Variants in CFB observed in about 807,000 individuals in gnomAD.
CFB encodes the protein complement factor B, also known as B-factor, properdin.
A neutral mutation model predicts 97.2 loss-of-function variants in CFB; 59 were observed. That is an observed-to-expected ratio of 0.61 (90% CI 0.49 to 0.75). The LOEUF is 0.75. CFB is among the 30% of genes least tolerant of loss of function. The probability of loss-of-function intolerance (pLI) is 0.00; values close to 1 mark genes in which losing one functional copy is unlikely to be tolerated. For missense variants in CFB, 771 were observed against 959.8 expected (o/e 0.80, Z 2.60); for synonymous variants, 316 against 351.7 (o/e 0.90, Z 1.14).
rs190228111 is a variant in CFB, at chr6:31,947,226, T to G, written c.484+34T>G. 12,962 of 1,611,718 alleles carry G rather than the reference T, an allele frequency of 8.0e-3. 166 individuals carry two copies. The highest frequency in any genetic ancestry group is 0.023 in the South Asian group (2,073 of 91,080). ...CATCCCCTCCCCCTACATTGCTGTC[T>G]CCCTGACGGCGCCCAGCCCGAGGAG... is the stretch of plus-strand genomic sequence containing the variant. On this transcript the variant is annotated intron_variant, in intron 3 of 17. Transcript: ENST00000425368. This position sits in a 1 kb window ranked among gnomAD's most constrained non-coding sequence, Gnocchi z 5.3.
In CFB at chr6:31,951,747, C is replaced by G; in HGVS notation, c.2140-128C>G. 6.3e-7 allele frequency: 1 copy of G among 1,575,450 alleles called. No homozygotes were observed. Among genetic ancestry groups the G allele is most frequent in the Non-Finnish European group, 8.7e-7 (1 of 1,145,878 alleles). On this transcript the variant is annotated intron_variant, in intron 17 of 17. Coordinates refer to ENST00000425368, the MANE Select transcript of CFB (RefSeq NM_001710.6). The surrounding 1 kb of genome is among the most constrained non-coding windows in gnomAD (Gnocchi z 4.3). The stretch of plus-strand genomic sequence containing the variant: ...GACCGCATGTCTTGCCTGCGTGTGT[C>G]AAGAACGAGGCTGAGCTGGGTCCCT...
At position 31,951,997 on chromosome 6, in the gene CFB, G is replaced by C. The variant is rs1462065300; in HGVS notation, c.2262G>C (p.Glu754Asp). The C allele has an allele frequency of 3.7e-6, 6 of 1,612,952 alleles. No individual in the cohort carries two copies. Among genetic ancestry groups the C allele is most frequent in the Non-Finnish European group, 5.1e-6 (6 of 1,180,046 alleles). Residue 754 changes from glutamate (E) to aspartate (D), a missense_variant, in exon 18 of 18, where the codon GAG becomes GAC. Transcript: ENST00000425368. This position sits in a 1 kb window ranked among gnomAD's most constrained non-coding sequence, Gnocchi z 4.3. ...TTCAAGTGCTGCCCTGGCTGAAGGA[G>C]AAACTCCAAGATGAGGATTTGGGTT... ...NLFQVLPWLK[E>D]KLQDEDLGFL
At position 31,950,669 on chromosome 6, in the gene CFB, T is replaced by A; in HGVS notation, c.1675T>A (p.Tyr559Asn). ...AGAAGTAGTCCTATTTCACCCCAAC[T>A]ACAACATTAATGGGAAAAAAGAAGC... The part of the protein sequence containing the change: ...EIEVVLFHPN[Y>N]NINGKKEAGI... Residue 559 changes from tyrosine to asparagine, a missense_variant, in exon 13 of 18, where the codon TAC becomes AAC. Transcript: ENST00000425368. 1 of 1,612,988 alleles carries A rather than the reference T, an allele frequency of 6.2e-7. No homozygotes were observed. The highest frequency in any genetic ancestry group is 8.5e-7 in the Non-Finnish European group (1 of 1,180,006).
At position 31,950,087 on chromosome 6, in the gene CFB, G is replaced by A. The variant is rs763325817; in HGVS notation, c.1446G>A (p.Trp482Ter). 1 of 1,613,050 alleles carries A rather than the reference G, an allele frequency of 6.2e-7. No homozygotes were observed. The highest frequency in any genetic ancestry group is 1.1e-5 in the South Asian group (1 of 91,076). ...CTCTGAGTCTCTGTGGCATGGTTTGGGAACACAGGAAGGGTACCGATTACC... is the reference window on the plus strand; with the variant it reads ...CTCTGAGTCTCTGTGGCATGGTTTGAGAACACAGGAAGGGTACCGATTACC... Reference protein sequence around the residue: ...SQSLSLCGMVWEHRKGTDYHK... With the variant: ...SQSLSLCGMV Residue 482 changes from tryptophan (W) to a stop codon, truncating the protein, a stop_gained, in exon 11 of 18, where the codon TGG becomes TGA. Coordinates refer to ENST00000425368, the MANE Select transcript of CFB (RefSeq NM_001710.6). LOFTEE classifies it high-confidence loss of function.
chr6:31,948,554 G>T, intron 7 of CFB, 42 bp downstream of exon 7: 1 of 1,612,998 alleles, frequency 6.2e-7, no homozygotes, highest in Non-Finnish European at 8.5e-7. Context: ...TTTGGGGTCA[G>T]GAGGTTCAGG....
At chr6:31,950,004 G>C in intron 10 of CFB, 46 bp from the exon 11 acceptor site, 2 of 1,588,176 alleles carry the variant, frequency 1.3e-6, no homozygotes, top group Non-Finnish European at 1.7e-6. Context: ...CTGCCATTTG[G>C]GAATGAAGTG....
In CFB at chr6:31,951,154, G is replaced by A. The variant is rs544693212; in HGVS notation, c.1866G>A (p.Leu622=). 8 of 1,612,984 alleles carry A rather than the reference G, an allele frequency of 5.0e-6. No homozygotes were observed. In the Admixed American group the frequency reaches 1.2e-4, roughly 24 times the overall value. ...AGTCTATTCGTCCAGAGGAAGAGCT[G>A]CTCCCTGCACAGGATATCAAAGCTC... ...TTTCQQQKEE[L]LPAQDIKALF... The change falls in exon 15 of 18, where the codon CTG becomes CTA. Residue 622 remains leucine (L), a synonymous_variant. Transcript: ENST00000425368. The surrounding 1 kb of genome is among the most constrained non-coding windows in gnomAD (Gnocchi z 4.3).
At position 31,951,869 on chromosome 6, in the gene CFB, C is replaced by T; in HGVS notation, c.2140-6C>T. Reference sequence around the variant, plus strand: ...AATGATCCATGGCACCCCACTGCCTCTGCAGGTTGGTGTAATCAGCTGGGG... The same window carrying T: ...AATGATCCATGGCACCCCACTGCCTTTGCAGGTTGGTGTAATCAGCTGGGG... On this transcript the variant is annotated splice_region_variant and splice_polypyrimidine_tract_variant and intron_variant, in intron 17 of 17. Coordinates refer to ENST00000425368, the MANE Select transcript of CFB (RefSeq NM_001710.6). This position sits in a 1 kb window ranked among gnomAD's most constrained non-coding sequence, Gnocchi z 4.3. The T allele has an allele frequency of 1.2e-6, 2 of 1,613,246 alleles. No individual in the cohort carries two copies. The highest frequency in any genetic ancestry group is 1.7e-6 in the Non-Finnish European group (2 of 1,180,042).
At position 31,949,521 on chromosome 6, in the gene CFB, A is replaced by G. The variant is rs754628272; in HGVS notation, c.1372A>G (p.Met458Val). Residue 458 changes from methionine to valine, a missense_variant, in exon 10 of 18, where the codon ATG becomes GTG. Physicochemically the swap from Met to Val is conservative, Grantham distance 21 (BLOSUM62 1). Transcript: ENST00000425368. ...GCAACATGTGTTCAAAGTCAAGGAT[A>G]TGGAAAACCTGGAAGATGTTTTCTA... The part of the protein sequence containing the change: ...NEQHVFKVKD[M>V]ENLEDVFYQM... 1.2e-6 allele frequency: 2 copies of G among 1,613,506 alleles called. No homozygotes were observed. Among genetic ancestry groups the G allele is most frequent in the Non-Finnish European group, 1.7e-6 (2 of 1,180,050 alleles).
At position 31,948,817 on chromosome 6, in the gene CFB, T is replaced by C. The variant is rs1435840402; in HGVS notation, c.1037-13T>C. 7 of 1,612,864 alleles carry C rather than the reference T, an allele frequency of 4.3e-6. No individual in the cohort carries two copies. The highest frequency in any genetic ancestry group is 5.9e-6 in the Non-Finnish European group (7 of 1,180,022). On this transcript the variant is annotated splice_polypyrimidine_tract_variant and intron_variant, in intron 7 of 17. Coordinates refer to ENST00000425368, the MANE Select transcript of CFB (RefSeq NM_001710.6). The stretch of plus-strand genomic sequence containing the variant: ...AAGACCAGGTGAGGTGATGGTCTCT[T>C]CCCTCTCCACAGACCACAAGTTGAA...
chr6:31,950,191 T>G, intron 11 of CFB, 44 bp downstream of exon 11: 7 of 1,609,408 alleles, frequency 4.3e-6, no homozygotes, highest in Non-Finnish European at 5.1e-6. Context: ...GGAGGTGAGG[T>G]CAAGGTGAAA....
intron 8 of CFB, 38 bp from the exon 9 acceptor site, chr6:31,949,205 C>T (rs1771608712): frequency 1.2e-6 from 2 of 1,606,104 alleles, no homozygotes; most frequent in East Asian, 2.2e-5. Flanking sequence ...AGTTTATCTT[C>T]CTTATCTCCT....
At chr6:31,950,527 C>G in intron 12 of CFB, 92 bp from the exon 13 acceptor site, 1 of 1,592,092 alleles carries the variant, frequency 6.3e-7, no homozygotes, top group Non-Finnish European at 8.6e-7. Flanking sequence ...CCAGACCAGT[C>G]AGGGATGGGG....
chr6:31,949,224 G>A lies in CFB; in HGVS notation c.1169-19G>A. ...TATCTTCCTTATCTCCTACCCTCAT[G>A]GTCCTGTCTCTTCTGCAGGATTGCA... is the stretch of plus-strand genomic sequence containing the variant. On this transcript the variant is annotated intron_variant, in intron 8 of 17. Coordinates refer to ENST00000425368, the MANE Select transcript of CFB (RefSeq NM_001710.6). The A allele has an allele frequency of 3.1e-6, 5 of 1,612,122 alleles. No homozygotes were observed. The highest frequency in any genetic ancestry group is 4.2e-6 in the Non-Finnish European group (5 of 1,178,422).
rs1248765578 is a variant in CFB at position 31,951,377 on chromosome 6, G to C, written c.1993G>C (p.Gly665Arg). 2 of 1,614,176 alleles carry C rather than the reference G, an allele frequency of 1.2e-6. No homozygotes were observed. Among genetic ancestry groups the C allele is most frequent in the Admixed American group, 3.3e-5 (2 of 60,020 alleles). The change falls in exon 16 of 18, where the codon GGC (glycine) becomes CGC (arginine). Residue 665 changes from glycine (G) to arginine (R), a missense_variant. Physicochemically the swap from Gly to Arg is moderately radical, Grantham distance 125. Coordinates refer to ENST00000425368, the MANE Select transcript of CFB (RefSeq NM_001710.6). The surrounding 1 kb of genome is among the most constrained non-coding windows in gnomAD (Gnocchi z 4.3). ...SCERDAQYAP[G>R]YDKVKDISEV... Reference sequence around the variant, plus strand: ...TGAGAGAGATGCTCAATATGCCCCAGGCTATGACAAAGTCAAGGACATCTC... The same window carrying C: ...TGAGAGAGATGCTCAATATGCCCCACGCTATGACAAAGTCAAGGACATCTC...
At chr6:31,949,025 A>G in intron 8 of CFB, 64 bp downstream of exon 8, 1 of 1,608,798 alleles carries the variant, frequency 6.2e-7, no homozygotes, top group Non-Finnish European at 8.5e-7. Context: ...GTGGCCCTTA[A>G]GTCCACTTGT....
Position 31,952,066 on chromosome 6 carries a change from T to G in CFB, c.*36T>G. ...GCTGGACAGGGGCGTGGGATTGAAT[T>G]AAAACAGCTGCGACAACACCTGTGT... is the stretch of plus-strand genomic sequence containing the variant. On this transcript the variant is annotated 3_prime_UTR_variant, in exon 18 of 18. Coordinates refer to ENST00000425368, the MANE Select transcript of CFB (RefSeq NM_001710.6). The G allele has an allele frequency of 6.2e-7, 1 of 1,610,550 alleles. No individual in the cohort carries two copies. Among genetic ancestry groups the G allele is most frequent in the African/African-American group, 1.3e-5 (1 of 75,034 alleles).
At position 31,950,381 on chromosome 6, in the gene CFB, A is replaced by C; in HGVS notation, c.1602A>C (p.Glu534Asp). 6.2e-7 allele frequency: 1 copy of C among 1,612,980 alleles called. No homozygotes were observed. Among genetic ancestry groups the C allele is most frequent in the South Asian group, 1.1e-5 (1 of 91,086 alleles). Residue 534 changes from glutamate (E) to aspartate (D), a missense_variant, in exon 12 of 18, where the codon GAA becomes GAC. Physicochemically the swap from Glu to Asp is conservative, Grantham distance 45. Coordinates refer to ENST00000425368, the MANE Select transcript of CFB (RefSeq NM_001710.6). ...AAHCFTVDDK[E>D]HSIKVSVGGE... ...ATTGTTTCACTGTGGATGACAAGGA[A>C]CACTCAATCAAGGTCAGCGTAGGTA...
Position 31,946,248 on chromosome 6 carries a change from C to G in CFB, c.27C>G (p.Leu9=). 1.9e-6 allele frequency: 3 copies of G among 1,613,120 alleles called. No homozygotes were observed. The highest frequency in any genetic ancestry group is 2.5e-6 in the Non-Finnish European group (3 of 1,180,028). The change falls in exon 1 of 18, where the codon CTC becomes CTG. Residue 9 remains leucine, a synonymous_variant. Coordinates refer to ENST00000425368, the MANE Select transcript of CFB (RefSeq NM_001710.6). This position sits in a 1 kb window ranked among gnomAD's most constrained non-coding sequence, Gnocchi z 6.4. Reference sequence around the variant, plus strand: ...TGGGGAGCAATCTCAGCCCCCAACTCTGCCTGATGCCCTTTATCTTGGGCC... The same window carrying G: ...TGGGGAGCAATCTCAGCCCCCAACTGTGCCTGATGCCCTTTATCTTGGGCC... MGSNLSPQ[L]CLMPFILGLL...
Sources: allele counts gnomAD v4.1 joint callset, GRCh38; gene constraint gnomAD v4.1.1; non-coding constraint Gnocchi (gnomAD v3.1); transcripts MANE v1.5; gene names NCBI Gene and HGNC (gene_info 2026-07-23, HGNC 2026-07-21).